CLNK: variants seen among roughly 807,000 people sequenced by gnomAD.
CLNK encodes cytokine-dependent hematopoietic cell linker.
In CLNK, 74 loss-of-function variants were observed where a neutral mutation model predicts 68.6. The ratio of observed to expected loss-of-function variants is 1.08; its 90% CI spans 0.89 to 1.31. The LOEUF (loss-of-function observed/expected upper bound fraction) is 1.31, where lower values mean the gene tolerates loss of function less well. Ranked by LOEUF, CLNK falls within the 50% of genes most tolerant of loss-of-function variation. The pLI, the probability that CLNK is intolerant of heterozygous loss-of-function variation, is 0.00. For missense variants in CLNK, 553 were observed against 515.3 expected (o/e 1.07, Z -0.71); for synonymous variants, 198 against 172.2 (o/e 1.15, Z -1.17).
At chr4:10,531,647 G>A (rs1718546198) in intron 12 of CLNK, 2 of 435,450 alleles carry the variant, frequency 4.6e-6, no homozygotes, top group Non-Finnish European at 9.2e-6. Flanking sequence ...CTTCATGTTG[G>A]TCAGGCTGAT....
At chr4:10,592,132 G>A (rs1008994858) in intron 3 of CLNK, among the ~76,000 whole-genome samples, 1 of 152,158 alleles carries the variant, frequency 6.6e-6, no homozygotes, top group African/African-American at 2.4e-5. Flanking sequence ...AAATCTGGAC[G>A]ATGACATATA....
chr4:10,518,949 A>T (rs578023241), intron 15 of CLNK, among the ~76,000 whole-genome samples: 144 of 152,314 alleles, frequency 9.5e-4, no homozygotes, highest in Non-Finnish European at 1.7e-3. Flanking sequence ...CAGTAGAATG[A>T]GTATCGGTTC....
At chr4:10,493,798 C>A (rs1407644517) in intron 18 of CLNK, among the ~76,000 whole-genome samples, 1 of 152,192 alleles carries the variant, frequency 6.6e-6, no homozygotes, top group Non-Finnish European at 1.5e-5. Context: ...AGTTCAAAGC[C>A]TGGCTCTCCC....
chr4:10,693,044 T>C, the CLNK span, among the ~76,000 whole-genome samples: 1 of 152,206 alleles, frequency 6.6e-6, no homozygotes, highest in Non-Finnish European at 1.5e-5. Context: ...AGTGTATCTG[T>C]AACGCACTTC....
the CLNK span, among the ~76,000 whole-genome samples, chr4:10,701,425 C>T: frequency 1.3e-5 from 2 of 152,202 alleles, no homozygotes; most frequent in East Asian, 3.8e-4. Flanking sequence ...TACTGCAAAC[C>T]TTCACTGAAT....
At chr4:10,586,772 T>A (rs1462116398) in intron 3 of CLNK, among the ~76,000 whole-genome samples, 3 of 152,202 alleles carry the variant, frequency 2.0e-5, no homozygotes, top group African/African-American at 4.8e-5. Flanking sequence ...AGTGCTCGTC[T>A]CACTGTATCT....
chr4:10,689,502 C>G (rs904920418), upstream of CLNK, among the ~76,000 whole-genome samples: 1 of 151,994 alleles, frequency 6.6e-6, no homozygotes, highest in Non-Finnish European at 1.5e-5. Context: ...GGGTAAACAC[C>G]CTGACACTAT....
Position 10,597,972 on chromosome 4 carries a change from T to G in CLNK, c.83+6A>C. The G allele has an allele frequency of 6.4e-7, 1 of 1,558,576 alleles. No individual in the cohort carries two copies. Reference sequence around the variant, plus strand: ...CCTCTATTAATAAACAAGTAAATATTCTGACCTGTTTTTTGGCAGACTGAA... The same window carrying G: ...CCTCTATTAATAAACAAGTAAATATGCTGACCTGTTTTTTGGCAGACTGAA... On this transcript the variant is annotated splice_donor_region_variant and intron_variant, in intron 3 of 18. Transcript: ENST00000226951.
chr4:10,611,636 T>C (rs990929265), intron 2 of CLNK, among the ~76,000 whole-genome samples: 1 of 152,124 alleles, frequency 6.6e-6, no homozygotes, highest in South Asian at 2.1e-4. Flanking sequence ...GGTGCCACAC[T>C]TTATGATCCC....
At chr4:10,680,939 A>C (rs1314797327) in intron 1 of CLNK, among the ~76,000 whole-genome samples, 1 of 152,026 alleles carries the variant, frequency 6.6e-6, no homozygotes, top group Non-Finnish European at 1.5e-5. Flanking sequence ...CAGACAGATA[A>C]AGCTGATCGG....
At chr4:10,559,953 C>G (rs1719821448) in intron 7 of CLNK, among the ~76,000 whole-genome samples, 1 of 152,154 alleles carries the variant, frequency 6.6e-6, no homozygotes, top group Admixed American at 6.5e-5. Context: ...CTTCTACCTA[C>G]TAGATGTCAG....
chr4:10,685,606 C>A (rs1445164513), upstream of CLNK, among the ~76,000 whole-genome samples: 1 of 152,024 alleles, frequency 6.6e-6, no homozygotes, highest in Non-Finnish European at 1.5e-5. Context: ...TAACAAACTC[C>A]AACATTATTT....
intron 2 of CLNK, among the ~76,000 whole-genome samples, chr4:10,635,391 C>T (rs1248077430): frequency 2.0e-5 from 3 of 152,148 alleles, no homozygotes. Context: ...ACCCTGTCCA[C>T]CTCTGACACT....
At chr4:10,620,735 A>C (rs1401343403) in intron 2 of CLNK, among the ~76,000 whole-genome samples, 1 of 152,086 alleles carries the variant, frequency 6.6e-6, no homozygotes, top group African/African-American at 2.4e-5. Context: ...TAATGTTGAC[A>C]GTACAGTGAT....
intron 11 of CLNK, among the ~76,000 whole-genome samples, chr4:10,536,081 A>G (rs1326894289): frequency 6.6e-6 from 1 of 152,176 alleles, no homozygotes; most frequent in Non-Finnish European, 1.5e-5. Context: ...GCTGGCAGAG[A>G]CAAATGGGGC....
chr4:10,702,740 A>G, the CLNK span, among the ~76,000 whole-genome samples: 1 of 152,316 alleles, frequency 6.6e-6, no homozygotes, highest in South Asian at 2.1e-4. Flanking sequence ...TAAGTTGTAG[A>G]AGTTATCAGC....
At chr4:10,610,965 C>T (rs1031549340) in intron 2 of CLNK, among the ~76,000 whole-genome samples, 1 of 152,154 alleles carries the variant, frequency 6.6e-6, no homozygotes, top group Admixed American at 6.5e-5. Context: ...AGGCGGATCA[C>T]TTGAGGTCAG....
chr4:10,583,383 T>G (rs2108835995), intron 4 of CLNK, among the ~76,000 whole-genome samples: 1 of 152,018 alleles, frequency 6.6e-6, no homozygotes, highest in South Asian at 2.1e-4. Flanking sequence ...ATCTCCCGGG[T>G]TCAAGTGACT....
At chr4:10,732,707 T>C in the CLNK span, among the ~76,000 whole-genome samples, 1 of 150,860 alleles carries the variant, frequency 6.6e-6, no homozygotes, top group South Asian at 2.1e-4. Flanking sequence ...TAAATATATA[T>C]ATGACAGCAA....
Sources: gnomAD v4.1 joint callset for allele counts (sites outside exome capture counted in the v4.1 genomes callset) on GRCh38, gnomAD v4.1.1 for gene constraint, MANE v1.5 for transcripts, NCBI Gene and HGNC (gene_info 2026-07-23, HGNC 2026-07-21) for gene names.